The following BAAT variants were observed in gnomAD, a reference collection of about 807,000 sequenced individuals.
The protein encoded by BAAT is bile acid CoA: amino acid N-acyltransferase (glycine N-choloyltransferase).
Under a neutral mutation model 18.9 loss-of-function variants are expected in BAAT, and 13 were observed. The observed-to-expected ratio is 0.69, with a 90% confidence interval of 0.45 to 1.10. The LOEUF is 1.10. BAAT is among the 50% of genes least tolerant of loss of function. BAAT has a pLI of 0.00. For synonymous variants in BAAT, 170 were observed against 190.7 expected, an observed-to-expected ratio of 0.89 and a Z score of 0.89; for missense variants, 489 against 504.0, an observed-to-expected ratio of 0.97 and a Z score of 0.28.
intron 2 of BAAT, among the ~76,000 whole-genome samples, chr9:101,368,873 T>C (rs1049891166): frequency 6.6e-6 from 1 of 152,186 alleles, no homozygotes; most frequent in South Asian, 2.1e-4. Context: ...CTCAAAGAAA[T>C]ACATGATTCA....
At position 101,371,387 on chromosome 9, in the gene BAAT, A is replaced by G. The variant is rs748034591; in HGVS notation, c.18T>C (p.Ala6=). The change falls in exon 2 of 4, where the codon GCT becomes GCC. Residue 6 remains alanine (A), a synonymous_variant. Transcript: ENST00000259407. ...CATCAACAAGTGCACTCACAGGGGT[A>G]GCTGTCAACTGGATCATTTTTTTAG... is the stretch of plus-strand genomic sequence containing the variant. MIQLT[A]TPVSALVDEP... 1 of 1,611,326 alleles carries G rather than the reference A, an allele frequency of 6.2e-7. No homozygotes were observed.
chr9:101,383,058 A>G (rs1830156215), intron 1 of BAAT, among the ~76,000 whole-genome samples: 1 of 152,232 alleles, frequency 6.6e-6, no homozygotes, highest in Non-Finnish European at 1.5e-5. Context: ...GGACCACAGT[A>G]CAGTTTCCCA....
At position 101,384,902 on chromosome 9, in the gene BAAT, C is replaced by T. The variant is rs765245299; in HGVS notation, c.-107G>A. ...AAATTTCAGCGTAGGTTCTATTTTC[C>T]CTAAGTGTCGGCTGGTCTGAGAAAT... On this transcript the variant is annotated 5_prime_UTR_variant, in exon 1 of 4. Coordinates refer to ENST00000259407, the MANE Select transcript of BAAT (RefSeq NM_001701.4). Among the ~76,000 whole-genome samples the T allele has an allele frequency of 6.6e-6, 1 of 151,994 alleles. No homozygotes were observed. Among genetic ancestry groups the T allele is most frequent in the African/African-American group, 2.4e-5 (1 of 41,372 alleles).
intron 1 of BAAT, among the ~76,000 whole-genome samples, chr9:101,382,811 C>A (rs374137225): frequency 9.8e-5 from 15 of 152,288 alleles, no homozygotes; most frequent in South Asian, 6.2e-4. Context: ...CATGCATCAA[C>A]CAGCGTGCCC....
chr9:101,375,478 C>A, intron 1 of BAAT: 1 of 170,416 alleles, frequency 5.9e-6, no homozygotes. Context: ...TGTAGGGTTC[C>A]ACTTTAGGAA....
At chr9:101,374,877 C>G (rs1177817019) in intron 1 of BAAT, among the ~76,000 whole-genome samples, 8 of 151,840 alleles carry the variant, frequency 5.3e-5, no homozygotes, top group South Asian at 2.1e-4. Context: ...ATGAGTTAGC[C>G]TTGTGAATGT....
At chr9:101,383,621 T>C (rs1011709669) in intron 1 of BAAT, 3 of 152,232 alleles carry the variant, frequency 2.0e-5, no homozygotes, top group Non-Finnish European at 4.4e-5. Flanking sequence ...TACCTCTTGC[T>C]CTAGTTTCCT....
chr9:101,365,078 T>C (rs1829803775), intron 3 of BAAT, among the ~76,000 whole-genome samples: 1 of 152,210 alleles, frequency 6.6e-6, no homozygotes, highest in Admixed American at 6.5e-5. Context: ...GTATTGAGTG[T>C]ATTGCTCCCA....
chr9:101,365,953 C>A (rs911359306), intron 3 of BAAT, among the ~76,000 whole-genome samples: 4 of 152,104 alleles, frequency 2.6e-5, no homozygotes, highest in Non-Finnish European at 4.4e-5. Context: ...TATCCATTAC[C>A]TCACAAACTT....
chr9:101,382,147 C>T (rs1830143615), intron 1 of BAAT, among the ~76,000 whole-genome samples: 1 of 152,160 alleles, frequency 6.6e-6, no homozygotes, highest in Admixed American at 6.5e-5. Flanking sequence ...AGGTGACTAT[C>T]AGGTGATGGT....
In BAAT at chr9:101,362,237, C is replaced by A; in HGVS notation, c.*191G>T. 2 of 635,276 alleles carry A rather than the reference C, an allele frequency of 3.1e-6. No homozygotes were observed. The highest frequency in any genetic ancestry group is 4.0e-5 in the South Asian group (2 of 50,604). 39.4% of individuals were successfully genotyped at this position (635,276 alleles called of 1,614,324 possible). ...ATGATTTGTTTTATGATTTATTCAC[C>A]ATGTCCAGTTTGGTTAGCTTGTTAT... On this transcript the variant is annotated 3_prime_UTR_variant, in exon 4 of 4. Coordinates refer to ENST00000259407, the MANE Select transcript of BAAT (RefSeq NM_001701.4).
At position 101,361,512 on chromosome 9, in the gene BAAT, A is replaced by G. The variant is rs1014029967; in HGVS notation, c.*916T>C. ...AAAGTATTTTTTATTTATGGGATGT[A>G]CAGTAACTATTGGGTCTTACGGAAA... is the stretch of plus-strand genomic sequence containing the variant. On this transcript the variant is annotated 3_prime_UTR_variant, in exon 4 of 4. Coordinates refer to ENST00000259407, the MANE Select transcript of BAAT (RefSeq NM_001701.4). The G allele has an allele frequency of 2.2e-4, 34 of 152,646 alleles. No homozygotes were observed. The highest frequency in any genetic ancestry group is 6.5e-4 in the African/African-American group (27 of 41,452). The allele number at this position is 152,646 out of a possible 1,614,324, so 9.5% of individuals were successfully genotyped here.
intron 3 of BAAT, 58 bp downstream of exon 3, chr9:101,368,062 C>G (rs1829861777): frequency 1.5e-5 from 24 of 1,554,138 alleles, no homozygotes; most frequent in Non-Finnish European, 2.1e-5. Flanking sequence ...TTAACAAAAA[C>G]AAAAACAGAA....
rs765932336 is a variant in BAAT at position 101,362,518 on chromosome 9, G to A, written c.1167C>T (p.Ile389=). The A allele has an allele frequency of 6.2e-7, 1 of 1,613,982 alleles. No individual in the cohort carries two copies. Among genetic ancestry groups the A allele is most frequent in the African/African-American group, 1.3e-5 (1 of 74,906 alleles). Residue 389 remains isoleucine (I), a synonymous_variant, in exon 4 of 4, where the codon ATC becomes ATT. Coordinates refer to ENST00000259407, the MANE Select transcript of BAAT (RefSeq NM_001701.4). Reference sequence around the variant, plus strand: ...CATGTTCCTGTGCAGCTGCGTGTGGGATCACCTCTCCTCCCCAGTGTAACC... The same window carrying A: ...CATGTTCCTGTGCAGCTGCGTGTGGAATCACCTCTCCTCCCCAGTGTAACC... ...DLRLHWGGEV[I]PHAAAQEHAW... is the part of the protein sequence containing the mutation.
At position 101,362,518 on chromosome 9, in the gene BAAT, G is replaced by C. The variant is rs765932336; in HGVS notation, c.1167C>G (p.Ile389Met). The change falls in exon 4 of 4, where the codon ATC becomes ATG. Residue 389 changes from isoleucine to methionine, a missense_variant. By Grantham distance (10) the Ile-to-Met change is conservative. Coordinates refer to ENST00000259407, the MANE Select transcript of BAAT (RefSeq NM_001701.4). ...DLRLHWGGEV[I>M]PHAAAQEHAW... ...CATGTTCCTGTGCAGCTGCGTGTGG[G>C]ATCACCTCTCCTCCCCAGTGTAACC... 1.9e-6 allele frequency: 3 copies of C among 1,614,100 alleles called. No individual in the cohort carries two copies. In the South Asian group the frequency reaches 3.3e-5, roughly 18 times the overall value.
intron 1 of BAAT, among the ~76,000 whole-genome samples, chr9:101,377,478 G>A (rs1339068943): frequency 2.0e-5 from 3 of 152,070 alleles, no homozygotes; most frequent in Admixed American, 6.5e-5. Context: ...GTCTGGGGGT[G>A]GAGTACAGAA....
At chr9:101,371,529 G>T in intron 1 of BAAT, 66 bp from the exon 2 acceptor site, 2 of 1,001,512 alleles carry the variant, frequency 2.0e-6, no homozygotes, top group South Asian at 1.4e-5. Context: ...AAGGTGAATT[G>T]AATCAGCAGT....
chr9:101,373,559 C>A (rs1220944434), intron 1 of BAAT, among the ~76,000 whole-genome samples: 4 of 152,174 alleles, frequency 2.6e-5, no homozygotes, highest in African/African-American at 7.2e-5. Context: ...GCAAGGCAGG[C>A]TGAACGATAA....
chr9:101,382,676 ATTCT>A (rs1279706184), intron 1 of BAAT, among the ~76,000 whole-genome samples: 1 of 152,114 alleles, frequency 6.6e-6, no homozygotes, highest in Non-Finnish European at 1.5e-5. Flanking sequence ...CCTCAGTTGA[ATTCT>A]TTCTTTCGAG....
Sources: gnomAD v4.1 joint callset for allele counts (sites outside exome capture counted in the v4.1 genomes callset) on GRCh38, gnomAD v4.1.1 for gene constraint, MANE v1.5 for transcripts, NCBI Gene and HGNC (gene_info 2026-07-23, HGNC 2026-07-21) for gene names.